The following DGKH variants were observed in gnomAD, a reference collection of about 807,000 sequenced individuals.
The protein encoded by DGKH is DAG kinase eta.
Under a neutral mutation model 159.3 loss-of-function variants are expected in DGKH, and 90 were observed. That is an observed-to-expected ratio of 0.57 (90% confidence interval 0.48 to 0.67). The LOEUF is 0.67. Among genes scored for constraint, DGKH ranks in the 30% least tolerant of loss-of-function variants. The probability of loss-of-function intolerance (pLI) is 0.00; values close to 1 mark genes in which losing one functional copy is unlikely to be tolerated. For missense variants in DGKH, 1,181 were observed against 1,506.1 expected (o/e 0.78, Z 3.57); for synonymous variants, 536 against 553.8 (o/e 0.97, Z 0.45).
At chr13:42,209,495 T>C (rs1359375551) in intron 23 of DGKH, 30 bp downstream of exon 23, 1 of 1,531,182 alleles carries the variant, frequency 6.5e-7, no homozygotes, top group Non-Finnish European at 8.8e-7. Flanking sequence ...TTCTAGAATA[T>C]TGTCAGGTTT....
At chr13:42,215,814 G>A (rs1957776281) in intron 26 of DGKH, 147 bp downstream of exon 26, 10 of 648,014 alleles carry the variant, frequency 1.5e-5, no homozygotes, top group Non-Finnish European at 2.6e-5. Flanking sequence ...CCTGGTTTTT[G>A]TCTTCAAGAA....
chr13:42,109,141 A>G (rs923808390), intron 1 of DGKH, among the ~76,000 whole-genome samples: 15 of 152,204 alleles, frequency 9.9e-5, no homozygotes, highest in African/African-American at 3.6e-4. Flanking sequence ...GTAAACATGA[A>G]TCTGACTTGG....
At chr13:42,159,863 T>A (rs566853386) in intron 6 of DGKH, 148 bp from the exon 7 acceptor site, 48 of 1,149,288 alleles carry the variant, frequency 4.2e-5, no homozygotes, top group Non-Finnish European at 5.6e-5. Flanking sequence ...TCATAATAGA[T>A]GCTCAATAAA....
At chr13:42,218,423 T>G (rs890420144) in intron 26 of DGKH, among the ~76,000 whole-genome samples, 1 of 152,098 alleles carries the variant, frequency 6.6e-6, no homozygotes, top group Non-Finnish European at 1.5e-5. Context: ...CTTTAAATTT[T>G]CAAGGAGATT....
chr13:42,151,608 CA>C (rs767381575), intron 3 of DGKH, among the ~76,000 whole-genome samples: 13,304 of 127,348 alleles, frequency 0.1, 1,136 homozygotes, highest in East Asian at 0.41. Context: ...CACACACACA[CA>C]CACACCCCAT....
At chr13:42,222,604 A>AG (rs1305035825) in intron 29 of DGKH, among the ~76,000 whole-genome samples, 2 of 152,176 alleles carry the variant, frequency 1.3e-5, no homozygotes, top group Non-Finnish European at 1.5e-5. Context: ...AAGTAAATGT[A>AG]GGGGGGATCA....
intron 1 of DGKH, among the ~76,000 whole-genome samples, chr13:42,116,250 A>T (rs915944914): frequency 6.6e-6 from 1 of 152,218 alleles, no homozygotes; most frequent in African/African-American, 2.4e-5. Context: ...TGGAATTTAT[A>T]TGACAAATGA....
intron 1 of DGKH, among the ~76,000 whole-genome samples, chr13:42,116,247 TA>T (rs1193922719): frequency 6.6e-6 from 1 of 152,204 alleles, no homozygotes; most frequent in African/African-American, 2.4e-5. Context: ...TCCTGGAATT[TA>T]TATGACAAAT....
chr13:42,209,045 T>G lies in DGKH; in HGVS notation c.2688T>G (p.Ile896Met). Residue 896 changes from isoleucine to methionine, a missense_variant, in exon 22 of 30, where the codon ATT (isoleucine) becomes ATG (methionine). Around this residue, in one of 5 missense-constraint regions of DGKH, gnomAD observed 335 missense variants for 495.2 expected, o/e 0.68. Coordinates refer to ENST00000337343, the MANE Select transcript of DGKH (RefSeq NM_178009.5). ...TGCAAATGGCAGTTTCAAGGGTCAT[T>G]AAACTGCAGCATCATCGAATAGCCC... ...DSMQMAVSRVIKLQHHRIAQC... is the reference protein window; with the variant it reads ...DSMQMAVSRVMKLQHHRIAQC... 6.2e-7 allele frequency: 1 copy of G among 1,611,436 alleles called. No individual in the cohort carries two copies. Among genetic ancestry groups the G allele is most frequent in the Non-Finnish European group, 8.5e-7 (1 of 1,178,752 alleles).
At chr13:42,178,586 T>G (rs993600394) in intron 13 of DGKH, among the ~76,000 whole-genome samples, 1 of 152,240 alleles carries the variant, frequency 6.6e-6, no homozygotes, top group Non-Finnish European at 1.5e-5. Flanking sequence ...ATTTAGGAAC[T>G]GTTTACATCA....
At chr13:42,071,048 G>A in intron 1 of DGKH, 1 of 1,224,178 alleles carries the variant, frequency 8.2e-7, no homozygotes, top group Non-Finnish European at 1.2e-6. Flanking sequence ...GTAGAATCCA[G>A]ATCAAAACCA....
chr13:42,159,266 T>TTTTTTTTTGG lies in DGKH; in HGVS notation c.623_624insTTTTTTTTGG (p.Cys209PhefsTer5). The stretch of plus-strand genomic sequence containing the variant: ...GCTCTTTTTTTTTTTTTTTTTTTAG[T>TTTTTTTTTGG]GTGTAAATTCAAGGCTCACAAAAGA... On this transcript the variant is annotated frameshift_variant and splice_region_variant, in exon 6 of 30. Transcript: ENST00000337343. LOFTEE classifies it high-confidence loss of function. 1 of 1,332,564 alleles carries TTTTTTTTTGG rather than the reference T, an allele frequency of 7.5e-7. No homozygotes were observed. The allele number at this position is 1,332,564 out of a possible 1,614,324, so 82.5% of individuals were successfully genotyped here.
chr13:42,168,986 G>A (rs138493490), intron 11 of DGKH, among the ~76,000 whole-genome samples, 168 bp downstream of exon 11: 2 of 151,968 alleles, frequency 1.3e-5, no homozygotes, highest in African/African-American at 4.8e-5. Flanking sequence ...TGGAGAACAG[G>A]GCCTATCACA....
chr13:42,101,774 A>T lies in DGKH; in HGVS notation c.193-25689A>T, dbSNP rs958783821. ...AGGTATGTGTGTATGTGTGTGTGTG[A>T]GAGAGAGAGAGAGAGAGAGAAAGAG... On this transcript the variant is annotated intron_variant, in intron 1 of 29. Transcript: ENST00000337343. 9.7e-4 allele frequency among the ~76,000 whole-genome samples: 143 copies of T among 147,280 alleles called. 1 individual carries two copies. The highest frequency in any genetic ancestry group is 1.5e-3 in the African/African-American group (61 of 40,496).
chr13:42,126,004 G>A (rs1955163312), intron 1 of DGKH, among the ~76,000 whole-genome samples: 1 of 152,128 alleles, frequency 6.6e-6, no homozygotes, highest in South Asian at 2.1e-4. Flanking sequence ...CTGTATAAAT[G>A]TGATCCATCT....
At chr13:42,205,569 G>C (rs1183981587) in intron 20 of DGKH, among the ~76,000 whole-genome samples, 1 of 152,128 alleles carries the variant, frequency 6.6e-6, no homozygotes, top group Non-Finnish European at 1.5e-5. Flanking sequence ...ACTTGTACTT[G>C]AAGTATTCAG....
At chr13:42,127,420 A>G (rs1955191056) in intron 1 of DGKH, 43 bp from the exon 2 acceptor site, 2 of 1,444,822 alleles carry the variant, frequency 1.4e-6, no homozygotes, top group African/African-American at 2.8e-5. Context: ...TTTGGTTTTG[A>G]ATTTCATTTT....
chr13:42,207,141 CCTT>C (rs1957523168), intron 21 of DGKH, among the ~76,000 whole-genome samples: 1 of 44,496 alleles, frequency 2.2e-5, no homozygotes, highest in Non-Finnish European at 4.4e-5. Context: ...TTCCTTCCTT[CCTT>C]CCTTCCTTCC....
At chr13:42,122,063 G>A (rs1955084586) in intron 1 of DGKH, among the ~76,000 whole-genome samples, 1 of 152,090 alleles carries the variant, frequency 6.6e-6, no homozygotes, top group South Asian at 2.1e-4. Context: ...TCTTGATGAG[G>A]GACATGATAG....
Sources: gnomAD v4.1 joint callset for allele counts (sites outside exome capture counted in the v4.1 genomes callset) on GRCh38, gnomAD v4.1.1 for gene constraint, gnomAD v4.1.1 regional missense constraint, MANE v1.5 for transcripts, NCBI Gene and HGNC (gene_info 2026-07-23, HGNC 2026-07-21) for gene names.